GPR180: variants seen among roughly 807,000 people sequenced by gnomAD.
GPR180 encodes the protein integral membrane protein GPR180.
GPR180 carries 53 observed loss-of-function variants against 52.6 expected under a neutral mutation model. That is an observed-to-expected ratio of 1.01 (90% confidence interval 0.81 to 1.27). The LOEUF (loss-of-function observed/expected upper bound fraction) is 1.27. Among genes scored for constraint, GPR180 ranks in the 50% most tolerant of loss-of-function variants. The pLI, the probability that GPR180 is intolerant of heterozygous loss-of-function variation, is 0.00. For synonymous variants in GPR180, 200 were observed against 193.1 expected (o/e 1.04, Z -0.30); for missense variants, 533 against 527.0 (o/e 1.01, Z -0.11).
chr13:94,617,823 A>G (rs905801255), intron 3 of GPR180, among the ~76,000 whole-genome samples: 21 of 152,218 alleles, frequency 1.4e-4, no homozygotes, highest in African/African-American at 5.1e-4. Flanking sequence ...AGACAGCTCT[A>G]TTCACACCAC....
chr13:94,614,384 A>G (rs1480398275), intron 3 of GPR180, among the ~76,000 whole-genome samples: 4 of 152,210 alleles, frequency 2.6e-5, no homozygotes, highest in Non-Finnish European at 5.9e-5. Context: ...GAGTAGATCC[A>G]TGAGACTTTT....
In GPR180 at chr13:94,628,766, G is replaced by A. The variant is rs1483358916; in HGVS notation, c.*1595G>A. ...AGTTATGTTTTAGGTATACATGATC[G>A]TCTGAGTGGTCATAACCTTTTCTTT... On this transcript the variant is annotated 3_prime_UTR_variant, in exon 9 of 9. Transcript: ENST00000376958. 1.3e-5 allele frequency: 2 copies of A among 152,000 alleles called. No individual in the cohort carries two copies. The highest frequency in any genetic ancestry group is 2.4e-5 in the African/African-American group (1 of 41,414). The allele number at this position is 152,000 out of a possible 1,614,324, so 9.4% of individuals were successfully genotyped here.
In GPR180 at chr13:94,629,165, A is replaced by AT. The variant is rs1436537165; in HGVS notation, c.*1995dup. 1 of 152,180 alleles carries AT rather than the reference A, an allele frequency of 6.6e-6. No individual in the cohort carries two copies. Among genetic ancestry groups the AT allele is most frequent in the African/African-American group, 2.4e-5 (1 of 41,460 alleles). 9.4% of individuals were successfully genotyped at this position (152,180 alleles called of 1,614,324 possible). On this transcript the variant is annotated 3_prime_UTR_variant, in exon 9 of 9. Transcript: ENST00000376958. ...TAATCAGGGACAAAATTTATAGTTC[A>AT]TAAGTCATGACACAGTATTCGCTCT...
Position 94,630,735 on chromosome 13 carries a change from G to A in GPR180, c.*3564G>A, listed in dbSNP as rs913706851. ...CTGGGACATTCTCTTCCAAATCTTA[G>A]CATGGTTGGAAGGCTGAATCCTCAT... On this transcript the variant is annotated 3_prime_UTR_variant, in exon 9 of 9. Coordinates refer to ENST00000376958, the MANE Select transcript of GPR180 (RefSeq NM_180989.6). The A allele has an allele frequency of 5.9e-5, 9 of 152,200 alleles. No homozygotes were observed. The highest frequency in any genetic ancestry group is 2.2e-4 in the African/African-American group (9 of 41,438). The allele number at this position is 152,200 out of a possible 1,614,324, so 9.4% of individuals were successfully genotyped here.
intron 1 of GPR180, 143 bp downstream of exon 1, chr13:94,602,215 C>G: frequency 1.3e-6 from 1 of 769,520 alleles, no homozygotes; most frequent in Non-Finnish European, 1.8e-6. Flanking sequence ...TCCAGCGTTG[C>G]AGCAGCTGCC....
intron 2 of GPR180, among the ~76,000 whole-genome samples, chr13:94,611,958 T>C (rs779780557): frequency 3.2e-4 from 49 of 152,212 alleles, no homozygotes; most frequent in Non-Finnish European, 6.5e-4. Flanking sequence ...AGTCATACTT[T>C]TATAGTGATT....
At position 94,621,222 on chromosome 13, in the gene GPR180, T is replaced by A; in HGVS notation, c.881T>A (p.Ile294Asn). 1 of 1,598,684 alleles carries A rather than the reference T, an allele frequency of 6.3e-7. No homozygotes were observed. The highest frequency in any genetic ancestry group is 1.8e-5 in the Admixed American group (1 of 54,570). Residue 294 changes from isoleucine (I) to asparagine (N), a missense_variant, in exon 6 of 9, where the codon ATT (isoleucine) becomes AAT (asparagine). Ile to Asn is a moderately radical substitution (Grantham distance 149). Coordinates refer to ENST00000376958, the MANE Select transcript of GPR180 (RefSeq NM_180989.6). ...TPASTGIAVF[I>N]VMTQSVLLLW... Reference sequence around the variant, plus strand: ...GCATCCACTGGCATTGCAGTATTCATTGTCATGACACAGGTGGGTATTGAT... The same window carrying A: ...GCATCCACTGGCATTGCAGTATTCAATGTCATGACACAGGTGGGTATTGAT...
intron 6 of GPR180, among the ~76,000 whole-genome samples, chr13:94,622,775 A>G (rs1261194779): frequency 6.6e-6 from 1 of 152,144 alleles, no homozygotes; most frequent in Non-Finnish European, 1.5e-5. Context: ...GGGTTTCACC[A>G]TGTTGGCCAG....
chr13:94,610,835 A>G (rs1264381896), intron 2 of GPR180, among the ~76,000 whole-genome samples: 3 of 152,194 alleles, frequency 2.0e-5, no homozygotes, highest in African/African-American at 7.2e-5. Flanking sequence ...CTAACCAGCT[A>G]TTGTGACAAA....
intron 6 of GPR180, among the ~76,000 whole-genome samples, chr13:94,622,722 C>T (rs1414825895): frequency 6.6e-6 from 1 of 152,064 alleles, no homozygotes; most frequent in Admixed American, 6.6e-5. Flanking sequence ...TACAGGTGCC[C>T]GCCACCACAC....
chr13:94,601,926 G>A lies in GPR180; in HGVS notation c.-2G>A. 1 of 1,487,664 alleles carries A rather than the reference G, an allele frequency of 6.7e-7. No individual in the cohort carries two copies. Among genetic ancestry groups the A allele is most frequent in the Non-Finnish European group, 8.9e-7 (1 of 1,124,070 alleles). 92.2% of individuals were successfully genotyped at this position (1,487,664 alleles called of 1,614,324 possible). On this transcript the variant is annotated 5_prime_UTR_variant, in exon 1 of 9. Coordinates refer to ENST00000376958, the MANE Select transcript of GPR180 (RefSeq NM_180989.6). ...GGCGTCGGTGCAGACCTGGAGACGG[G>A]CATGGGGGGGCTGCGGCTGCTGGCT...
rs921127767 is a variant in GPR180 at position 94,627,492 on chromosome 13, A to C, written c.*321A>C. On this transcript the variant is annotated 3_prime_UTR_variant, in exon 9 of 9. Coordinates refer to ENST00000376958, the MANE Select transcript of GPR180 (RefSeq NM_180989.6). ...TCACCACTTATAATGCCTCATCTTAATAGCTAACTCAGGTTTAATAGTCTT... is the reference window on the plus strand; with the variant it reads ...TCACCACTTATAATGCCTCATCTTACTAGCTAACTCAGGTTTAATAGTCTT... 1 of 284,190 alleles carries C rather than the reference A, an allele frequency of 3.5e-6. No individual in the cohort carries two copies. Among genetic ancestry groups the C allele is most frequent in the African/African-American group, 2.3e-5 (1 of 44,040 alleles). The allele number at this position is 284,190 out of a possible 1,614,324, so 17.6% of individuals were successfully genotyped here.
At chr13:94,611,741 C>T (rs190362477) in intron 2 of GPR180, among the ~76,000 whole-genome samples, 25 of 152,062 alleles carry the variant, frequency 1.6e-4, no homozygotes, top group East Asian at 3.9e-4. Flanking sequence ...ACCCATTGCC[C>T]GTCCGCAATG....
chr13:94,615,703 T>C (rs1390570207), intron 3 of GPR180, among the ~76,000 whole-genome samples: 1 of 152,150 alleles, frequency 6.6e-6, no homozygotes, highest in Non-Finnish European at 1.5e-5. Flanking sequence ...ATCCTGAGAG[T>C]GTTATTACCT....
intron 8 of GPR180, 97 bp from the exon 9 acceptor site, chr13:94,626,916 G>A: frequency 2.2e-6 from 2 of 913,080 alleles, no homozygotes; most frequent in Non-Finnish European, 1.6e-6. Flanking sequence ...ATAGAGTATT[G>A]TATTTATATA....
Position 94,627,070 on chromosome 13 carries a change from C to G in GPR180, c.1222C>G (p.Leu408Val), listed in dbSNP as rs1566984244. The G allele has an allele frequency of 6.2e-7, 1 of 1,611,594 alleles. No individual in the cohort carries two copies. Residue 408 changes from leucine (L) to valine (V), a missense_variant, in exon 9 of 9, where the codon CTC becomes GTC. Coordinates refer to ENST00000376958, the MANE Select transcript of GPR180 (RefSeq NM_180989.6). The part of the protein sequence containing the change: ...QSVSMVILYR[L>V]FLSHSLYWEV... ...TGTTTCCATGGTTATTCTCTACAGA[C>G]TCTTTCTGTCTCACAGTCTATACTG...
intron 2 of GPR180, among the ~76,000 whole-genome samples, 166 bp from the exon 3 acceptor site, chr13:94,612,024 A>G (rs189468676): frequency 6.6e-6 from 1 of 152,192 alleles, no homozygotes; most frequent in Non-Finnish European, 1.5e-5. Context: ...GATTTATTCT[A>G]TAAATATCTG....
At chr13:94,626,970 A>C (rs755130383) in intron 8 of GPR180, 43 bp from the exon 9 acceptor site, 4 of 1,386,928 alleles carry the variant, frequency 2.9e-6, no homozygotes, top group Non-Finnish European at 9.9e-7. Context: ...TTATTTCTCT[A>C]TTTCTGCATG....
At position 94,627,122 on chromosome 13, in the gene GPR180, C is replaced by T. The variant is rs1003044465; in HGVS notation, c.1274C>T (p.Thr425Ile). The T allele has an allele frequency of 3.1e-6, 5 of 1,613,166 alleles. No individual in the cohort carries two copies. The highest frequency in any genetic ancestry group is 4.2e-6 in the Non-Finnish European group (5 of 1,179,512). Reference protein sequence around the residue: ...YWEVSSLSSVTLPLTISSGHK... With the variant: ...YWEVSSLSSVILPLTISSGHK... ...GAAGTTTCTTCACTTTCTTCAGTAA[C>T]ACTACCACTGACCATATCATCTGGA... Residue 425 changes from threonine to isoleucine, a missense_variant, in exon 9 of 9, where the codon ACA becomes ATA. By Grantham distance (89) the Thr-to-Ile change is moderately conservative. Coordinates refer to ENST00000376958, the MANE Select transcript of GPR180 (RefSeq NM_180989.6).
Sources: gnomAD v4.1 joint callset for allele counts (sites outside exome capture counted in the v4.1 genomes callset) on GRCh38, gnomAD v4.1.1 for gene constraint, MANE v1.5 for transcripts, NCBI Gene and HGNC (gene_info 2026-07-23, HGNC 2026-07-21) for gene names.